HECA: variants seen among roughly 807,000 people sequenced by gnomAD.
HECA encodes HECA ribonucleoprotein granule regulator.
In HECA, 13 loss-of-function variants were observed where a neutral mutation model predicts 37.6. The ratio of observed to expected loss-of-function variants is 0.35; its 90% confidence interval spans 0.23 to 0.55. The LOEUF is 0.55. Ranked by LOEUF, HECA falls within the 20% of genes least tolerant of loss-of-function variation. The pLI is 0.90. For synonymous variants in HECA, 307 were observed against 291.5 expected (o/e 1.05, Z -0.54); for missense variants, 527 against 701.9 (o/e 0.75, Z 2.82).
intron 1 of HECA, among the ~76,000 whole-genome samples, chr6:139,149,064 A>G (rs1452245331): frequency 1.3e-5 from 2 of 152,208 alleles, no homozygotes; most frequent in Non-Finnish European, 2.9e-5. Context: ...ATGCTGAATC[A>G]TAAGAAAGTT....
intron 1 of HECA, among the ~76,000 whole-genome samples, chr6:139,164,191 G>A (rs909573518): frequency 6.6e-6 from 1 of 151,842 alleles, no homozygotes; most frequent in Non-Finnish European, 1.5e-5. Context: ...TTCCAGTCCC[G>A]TGCCCCACGC....
intron 1 of HECA, among the ~76,000 whole-genome samples, chr6:139,154,218 C>G (rs1774685811): frequency 6.6e-6 from 1 of 152,178 alleles, no homozygotes; most frequent in Non-Finnish European, 1.5e-5. Flanking sequence ...ACAGACACAA[C>G]CATCTGTTTT....
At chr6:139,155,671 A>G (rs1426005512) in intron 1 of HECA, 1 of 152,186 alleles carries the variant, frequency 6.6e-6, no homozygotes, top group African/African-American at 2.4e-5. Context: ...TCCTGAATCT[A>G]CATTTCCTTC....
At chr6:139,138,839 A>G (rs1489062421) in intron 1 of HECA, among the ~76,000 whole-genome samples, 1 of 152,210 alleles carries the variant, frequency 6.6e-6, no homozygotes, top group African/African-American at 2.4e-5. Flanking sequence ...TTGGTGTAAA[A>G]GACCACCCCA....
intron 1 of HECA, among the ~76,000 whole-genome samples, chr6:139,154,634 T>C (rs1774691861): frequency 6.6e-6 from 1 of 152,224 alleles, no homozygotes; most frequent in African/African-American, 2.4e-5. Flanking sequence ...GTAAAGTCAT[T>C]AGTCTTTTCA....
intron 1 of HECA, among the ~76,000 whole-genome samples, chr6:139,146,327 T>C (rs1774583059): frequency 6.6e-6 from 1 of 152,222 alleles, no homozygotes; most frequent in South Asian, 2.1e-4. Flanking sequence ...GATTATACTT[T>C]AGATCATGTC....
chr6:139,174,616 C>T, intron 3 of HECA, 77 bp downstream of exon 3: 1 of 1,541,510 alleles, frequency 6.5e-7, no homozygotes, highest in South Asian at 1.2e-5. Context: ...GAAGATGCGT[C>T]TGGCAATAAA....
rs1774420462 is a variant in HECA, at chr6:139,135,519, G to C, written c.123G>C (p.Gly41=). 2.0e-6 allele frequency: 2 copies of C among 1,020,418 alleles called. No homozygotes were observed. Among genetic ancestry groups the C allele is most frequent in the African/African-American group, 1.7e-5 (1 of 57,218 alleles). The allele number at this position is 1,020,418 out of a possible 1,614,324, so 63.2% of individuals were successfully genotyped here. A position where few individuals can be genotyped will look rare whatever the true frequency, so the allele number is the denominator to read the frequency against. Residue 41 remains glycine (G), a synonymous_variant, in exon 1 of 4, where the codon GGG becomes GGC. Transcript: ENST00000367658. ...AAAGAAGAAA[G]GALAAAAGCG... Reference sequence around the variant, plus strand: ...CGGGCGCGGCGGGAGCGGCGGCCGGGGGGGCCCTGGCGGCGGCGGCCGGTT... The same window carrying C: ...CGGGCGCGGCGGGAGCGGCGGCCGGCGGGGCCCTGGCGGCGGCGGCCGGTT...
At chr6:139,144,088 G>A (rs1434120664) in intron 1 of HECA, 1 of 152,150 alleles carries the variant, frequency 6.6e-6, no homozygotes, top group Non-Finnish European at 1.5e-5. Flanking sequence ...GTGTTACTGA[G>A]AATTAAACAC....
At chr6:139,136,926 G>A (rs532089974) in intron 1 of HECA, among the ~76,000 whole-genome samples, 1 of 152,160 alleles carries the variant, frequency 6.6e-6, no homozygotes, top group South Asian at 2.1e-4. Context: ...GAGTCACCAC[G>A]CCCAGCCAGA....
intron 2 of HECA, chr6:139,169,524 T>G (rs1173498709): frequency 6.6e-6 from 1 of 152,252 alleles, no homozygotes. Flanking sequence ...TTTTGAGAAT[T>G]GTACCTAACT....
At chr6:139,164,311 C>A (rs904563984) in intron 1 of HECA, among the ~76,000 whole-genome samples, 1 of 152,024 alleles carries the variant, frequency 6.6e-6, no homozygotes, top group Non-Finnish European at 1.5e-5. Flanking sequence ...CCCAGTGGTT[C>A]CCAATTGGGA....
chr6:139,158,178 G>A (rs1774742985), intron 1 of HECA, among the ~76,000 whole-genome samples: 2 of 151,818 alleles, frequency 1.3e-5, no homozygotes, highest in African/African-American at 4.8e-5. Context: ...GTAACAGAGT[G>A]AGACCCCACC....
chr6:139,135,383 C>CGCGA lies in HECA; in HGVS notation c.-4_-1dup. On this transcript the variant is annotated 5_prime_UTR_variant, in exon 1 of 4. Coordinates refer to ENST00000367658, the MANE Select transcript of HECA (RefSeq NM_016217.3). ...CGCTGACGCCGGGCACCTACCTGGA[C>CGCGA]GCGAGCGAGCGAGATGCCCAACCCC... 1.5e-6 allele frequency: 2 copies of CGCGA among 1,363,180 alleles called. No individual in the cohort carries two copies. Among genetic ancestry groups the CGCGA allele is most frequent in the Non-Finnish European group, 1.9e-6 (2 of 1,034,712 alleles). 84.4% of individuals were successfully genotyped at this position (1,363,180 alleles called of 1,614,324 possible).
intron 1 of HECA, chr6:139,144,227 C>A (rs1029717041): frequency 6.6e-6 from 1 of 152,128 alleles, no homozygotes; most frequent in Non-Finnish European, 1.5e-5. Flanking sequence ...TATTATGCAC[C>A]TACTATCTCC....
At chr6:139,152,639 A>G (rs896475295) in intron 1 of HECA, among the ~76,000 whole-genome samples, 2 of 152,208 alleles carry the variant, frequency 1.3e-5, no homozygotes, top group Non-Finnish European at 2.9e-5. Flanking sequence ...TAAGACAGAT[A>G]AGCTTAAGTG....
rs1427832717 is a variant in HECA, at chr6:139,135,478, G to A, written c.82G>A (p.Gly28Arg). The change falls in exon 1 of 4, where the codon GGG becomes AGG. Residue 28 changes from glycine to arginine, a missense_variant. By Grantham distance (125) the Gly-to-Arg change is moderately radical. Transcript: ENST00000367658. ...SSGDEQENGA[G>R]ALAAAGAAGA... ...CGGCGACGAGCAGGAAAATGGAGCCGGGGCCCTGGCAGCGGCGGGCGCGGC... is the reference window on the plus strand; with the variant it reads ...CGGCGACGAGCAGGAAAATGGAGCCAGGGCCCTGGCAGCGGCGGGCGCGGC... 6 of 1,249,966 alleles carry A rather than the reference G, an allele frequency of 4.8e-6. No homozygotes were observed. Among genetic ancestry groups the A allele is most frequent in the Non-Finnish European group, 5.1e-6 (5 of 972,094 alleles). 77.4% of individuals were successfully genotyped at this position (1,249,966 alleles called of 1,614,324 possible). A position where few individuals can be genotyped will look rare whatever the true frequency, so the allele number is the denominator to read the frequency against.
intron 1 of HECA, chr6:139,144,366 A>G (rs1475895896): frequency 6.6e-6 from 1 of 152,290 alleles, no homozygotes; most frequent in Non-Finnish European, 1.5e-5. Context: ...GTGGATAGCC[A>G]GTGGGGAAAA....
intron 3 of HECA, among the ~76,000 whole-genome samples, chr6:139,175,569 G>C (rs1349700684): frequency 6.6e-6 from 1 of 152,190 alleles, no homozygotes; most frequent in African/African-American, 2.4e-5. Flanking sequence ...AAATAAGGAA[G>C]TGAAAGAACT....
Sources: allele counts gnomAD v4.1 joint callset (sites outside exome capture counted in the v4.1 genomes callset), GRCh38; gene constraint gnomAD v4.1.1; transcripts MANE v1.5; gene names NCBI Gene and HGNC (gene_info 2026-07-23, HGNC 2026-07-21).